LRRIQ3: variants seen among roughly 807,000 people sequenced by gnomAD.
LRRIQ3 encodes leucine rich repeats and IQ motif containing 3, also known as leucine-rich repeat and IQ domain-containing protein 3.
Under a neutral mutation model 59.3 loss-of-function variants are expected in LRRIQ3, and 75 were observed. That is an observed-to-expected ratio of 1.26 (90% CI 1.05 to 1.53). The LOEUF (loss-of-function observed/expected upper bound fraction) is 1.53, where lower values mean the gene tolerates loss of function less well. Ranked by LOEUF, LRRIQ3 falls within the 40% of genes most tolerant of loss-of-function variation. The pLI is 0.00. For synonymous variants in LRRIQ3, 250 were observed against 231.3 expected (o/e 1.08, Z -0.73); for missense variants, 831 against 710.0 (o/e 1.17, Z -1.94).
intron 4 of LRRIQ3, among the ~76,000 whole-genome samples, chr1:74,116,823 T>C (rs1217617573): frequency 1.3e-5 from 2 of 152,028 alleles, no homozygotes; most frequent in Non-Finnish European, 2.9e-5. Flanking sequence ...TTTATGATAA[T>C]AGGTAATATA....
chr1:74,167,719 T>C (rs939651842), intron 3 of LRRIQ3, among the ~76,000 whole-genome samples: 3 of 151,706 alleles, frequency 2.0e-5, no homozygotes, highest in Non-Finnish European at 4.4e-5. Flanking sequence ...AAAGAACTTA[T>C]TCATGTAACC....
chr1:74,190,991 G>A (rs1337129375), intron 1 of LRRIQ3, among the ~76,000 whole-genome samples: 2 of 152,092 alleles, frequency 1.3e-5, no homozygotes, highest in Non-Finnish European at 2.9e-5. Flanking sequence ...CTTCTGTCAT[G>A]ATGCTGAGGC....
intron 1 of LRRIQ3, among the ~76,000 whole-genome samples, chr1:74,193,033 T>C (rs1458053586): frequency 1.3e-5 from 2 of 152,120 alleles, no homozygotes; most frequent in East Asian, 3.8e-4. Flanking sequence ...TTCTACTGCC[T>C]ACCAAGGGAA....
chr1:74,119,553 G>T (rs1202685943), intron 4 of LRRIQ3, among the ~76,000 whole-genome samples: 1 of 152,012 alleles, frequency 6.6e-6, no homozygotes, highest in African/African-American at 2.4e-5. Flanking sequence ...CAACTTAATT[G>T]TCTTCTAATG....
At chr1:74,116,746 A>G (rs1324205464) in intron 4 of LRRIQ3, among the ~76,000 whole-genome samples, 1 of 152,068 alleles carries the variant, frequency 6.6e-6, no homozygotes, top group Non-Finnish European at 1.5e-5. Context: ...TATCTACAAA[A>G]TGCTATCTGC....
intron 6 of LRRIQ3, among the ~76,000 whole-genome samples, chr1:74,056,180 A>C (rs988780408): frequency 4.0e-5 from 6 of 150,958 alleles, no homozygotes; most frequent in Non-Finnish European, 5.9e-5. Flanking sequence ...TAAATAAATA[A>C]ATAAATAAAC....
At chr1:74,064,736 C>T (rs1221346902) in intron 6 of LRRIQ3, among the ~76,000 whole-genome samples, 1 of 151,970 alleles carries the variant, frequency 6.6e-6, no homozygotes, top group Non-Finnish European at 1.5e-5. Flanking sequence ...AGTTTTCTTT[C>T]AGCATTTTGA....
chr1:74,101,361 A>C (rs557887751), intron 5 of LRRIQ3, among the ~76,000 whole-genome samples: 1 of 152,310 alleles, frequency 6.6e-6, no homozygotes, highest in Non-Finnish European at 1.5e-5. Context: ...ACAATGAGAT[A>C]TCATCTCACA....
At position 74,135,826 on chromosome 1, in the gene LRRIQ3, G is replaced by A. The variant is rs796521332; in HGVS notation, c.707+19907C>T. On this transcript the variant is annotated intron_variant, in intron 4 of 7. Transcript: ENST00000354431. ...AAATCCAAACTTCCTCTTGAAAAGT[G>A]TGAGGTGGAGTGTGGAAGGAGGGAG... Among the ~76,000 whole-genome samples the A allele has an allele frequency of 2.2e-4, 33 of 151,978 alleles. 1 individual carries two copies. Among genetic ancestry groups the A allele is most frequent in the South Asian group, 1.0e-3 (5 of 4,818 alleles).
chr1:74,184,693 A>T (rs2100729327), intron 1 of LRRIQ3, among the ~76,000 whole-genome samples: 1 of 152,254 alleles, frequency 6.6e-6, no homozygotes, highest in African/African-American at 2.4e-5. Flanking sequence ...TATCTACTGT[A>T]TCAGAATTTC....
chr1:74,182,849 G>T lies in LRRIQ3; in HGVS notation c.262C>A (p.Pro88Thr). 6.7e-7 allele frequency: 1 copy of T among 1,485,352 alleles called. No individual in the cohort carries two copies. Among genetic ancestry groups the T allele is most frequent in the Non-Finnish European group, 9.0e-7 (1 of 1,110,778 alleles). 92.0% of individuals were successfully genotyped at this position (1,485,352 alleles called of 1,614,324 possible). Residue 88 changes from proline (P) to threonine (T), a missense_variant, in exon 3 of 8, where the codon CCA (proline) becomes ACA (threonine). Coordinates refer to ENST00000354431, the MANE Select transcript of LRRIQ3 (RefSeq NM_001105659.2). Reference sequence around the variant, plus strand: ...AATCCATTCCAAAATTTGGTATTTGGTAGACTCTTTATCTGAAATATTATT... The same window carrying T: ...AATCCATTCCAAAATTTGGTATTTGTTAGACTCTTTATCTGAAATATTATT... Reference protein sequence around the residue: ...DLHGNQIKSLPNTKFWNGLKN... With the variant: ...DLHGNQIKSLTNTKFWNGLKN...
At chr1:74,040,796 A>G (rs193083165) in intron 7 of LRRIQ3, among the ~76,000 whole-genome samples, 5 of 152,346 alleles carry the variant, frequency 3.3e-5, no homozygotes, top group Admixed American at 3.3e-4. Context: ...AGCAGTATTA[A>G]GAGGGAAATT....
chr1:74,074,821 G>C (rs572894143), intron 5 of LRRIQ3, 31 bp from the exon 6 acceptor site: 2 of 1,100,178 alleles, frequency 1.8e-6, no homozygotes, highest in Non-Finnish European at 1.2e-6. Flanking sequence ...CAATGACAAT[G>C]ATAATATCTC....
chr1:74,146,580 T>C (rs1002279687), intron 4 of LRRIQ3, among the ~76,000 whole-genome samples: 1 of 152,236 alleles, frequency 6.6e-6, no homozygotes, highest in Non-Finnish European at 1.5e-5. Context: ...ATGAAAATTT[T>C]ATTAAGAAAT....
intron 3 of LRRIQ3, among the ~76,000 whole-genome samples, chr1:74,179,720 T>C (rs1649863521): frequency 6.6e-6 from 1 of 151,946 alleles, no homozygotes; most frequent in African/African-American, 2.4e-5. Flanking sequence ...GAACACAAAT[T>C]TATAGGTGGC....
intron 1 of LRRIQ3, among the ~76,000 whole-genome samples, chr1:74,193,180 CTA>C (rs1284095167): frequency 2.0e-5 from 3 of 152,108 alleles, no homozygotes; most frequent in African/African-American, 2.4e-5. Flanking sequence ...AATTTTATAA[CTA>C]TTTTGTGAAA....
chr1:74,041,265 GT>G lies in LRRIQ3; in HGVS notation c.1665del (p.Lys555AsnfsTer2). ...TTCTTTCTATATTTTTCTGCTTTTA[GT>G]TTTTGCTTAACAATCAGGCTTTTCT... is the stretch of plus-strand genomic sequence containing the variant. ...LKEKSLIVKQ[K>X]LKAEKYRKNL... On this transcript the variant is annotated frameshift_variant, in exon 7 of 8. Transcript: ENST00000354431. LOFTEE classifies it high-confidence loss of function. The G allele has an allele frequency of 6.3e-7, 1 of 1,594,116 alleles. No individual in the cohort carries two copies. The highest frequency in any genetic ancestry group is 8.5e-7 in the Non-Finnish European group (1 of 1,174,200).
intron 3 of LRRIQ3, among the ~76,000 whole-genome samples, chr1:74,168,509 G>T (rs1317119741): frequency 6.6e-6 from 1 of 151,970 alleles, no homozygotes; most frequent in Non-Finnish European, 1.5e-5. Flanking sequence ...ACAACGCATA[G>T]CTGAATAAAG....
chr1:74,118,440 C>T (rs1272929359), intron 4 of LRRIQ3, among the ~76,000 whole-genome samples: 2 of 152,196 alleles, frequency 1.3e-5, no homozygotes. Context: ...ATATTTTATA[C>T]TGTCTTTGTA....
Sources: gnomAD v4.1 joint callset for allele counts (sites outside exome capture counted in the v4.1 genomes callset) on GRCh38, gnomAD v4.1.1 for gene constraint, MANE v1.5 for transcripts, NCBI Gene and HGNC (gene_info 2026-07-23, HGNC 2026-07-21) for gene names.